Variants in CDK12 observed in about 807,000 individuals in gnomAD.
CDK12 encodes cyclin dependent kinase 12.
In CDK12, 17 loss-of-function variants were observed where a neutral mutation model predicts 133.8. That is an observed-to-expected ratio of 0.13 (90% CI 0.09 to 0.19). The LOEUF (loss-of-function observed/expected upper bound fraction) is 0.19, where lower values mean the gene tolerates loss of function less well. CDK12 is among the 10% of genes least tolerant of loss of function. The pLI, the probability that CDK12 is intolerant of heterozygous loss-of-function variation, is 1.00. For synonymous variants in CDK12, 694 were observed against 683.6 expected (o/e 1.02, Z -0.24); for missense variants, 1,508 against 1,818.7 (o/e 0.83, Z 3.11).
intron 5 of CDK12, among the ~76,000 whole-genome samples, chr17:39,497,091 G>A (rs2052186290): frequency 1.3e-5 from 2 of 151,804 alleles, no homozygotes; most frequent in South Asian, 2.1e-4. Context: ...CGCCACCACG[G>A]CCGGCTAATT....
intron 1 of CDK12, among the ~76,000 whole-genome samples, chr17:39,539,609 G>C (rs184012320): frequency 6.6e-6 from 1 of 152,170 alleles, no homozygotes. Context: ...GAAGAAGACT[G>C]GGGGAGGGTC....
intron 5 of CDK12, among the ~76,000 whole-genome samples, chr17:39,498,169 AT>A (rs1234917920): frequency 6.7e-6 from 1 of 149,774 alleles, no homozygotes; most frequent in African/African-American, 2.5e-5. Context: ...GTTTTTAAAA[AT>A]TTTGGTAGAA....
rs2145206588 is a variant in CDK12 at position 39,471,564 on chromosome 17, G to A, written c.1732G>A (p.Ala578Thr). 6.2e-7 allele frequency: 1 copy of A among 1,613,694 alleles called. No homozygotes were observed. The highest frequency in any genetic ancestry group is 2.2e-5 in the East Asian group (1 of 44,846). The change falls in exon 2 of 14, where the codon GCT becomes ACT. Residue 578 changes from alanine to threonine, a missense_variant. Physicochemically the swap from Ala to Thr is moderately conservative, Grantham distance 58 (BLOSUM62 0). Transcript: ENST00000447079. ...TCAGCCAGCATTTAGTCAGGTTCCT[G>A]CTTCCAGTACTTCAACTTTGCCCCC... Reference protein sequence around the residue: ...PSQPAFSQVPASSTSTLPPST... With the variant: ...PSQPAFSQVPTSSTSTLPPST...
chr17:39,490,346 G>A (rs956865891), intron 2 of CDK12, among the ~76,000 whole-genome samples: 3 of 150,864 alleles, frequency 2.0e-5, no homozygotes, highest in Non-Finnish European at 4.4e-5. Context: ...TAGCCTGGGC[G>A]ACAGAGTGAT....
intron 12 of CDK12, 133 bp downstream of exon 12, chr17:39,525,018 T>C: frequency 4.5e-6 from 3 of 670,160 alleles, no homozygotes; most frequent in Non-Finnish European, 7.5e-6. Context: ...AAGAGGTTAA[T>C]GTCCTCATTA....
At position 39,526,122 on chromosome 17, in the gene CDK12, T is replaced by A. The variant is rs56362165; in HGVS notation, c.3566T>A (p.Leu1189Gln). The change falls in exon 13 of 14, where the codon CTG becomes CAG. Residue 1189 changes from leucine to glutamine, a missense_variant. This residue lies in a region of CDK12 where 399 missense variants were observed against 469.6 expected (regional missense o/e 0.85). Coordinates refer to ENST00000447079, the MANE Select transcript of CDK12 (RefSeq NM_016507.4). Reference sequence around the variant, plus strand: ...GAAGCACCCTCTGCCCCAGTGATCCTGCCTTCAGCAGAACAGACGACCCTT... The same window carrying A: ...GAAGCACCCTCTGCCCCAGTGATCCAGCCTTCAGCAGAACAGACGACCCTT... ...LKEAPSAPVI[L>Q]PSAEQTTLEA... 2,245 of 1,614,206 alleles carry A rather than the reference T, an allele frequency of 1.4e-3. 24 individuals carry two copies. The African/African-American group carries it at 0.026, about 19-fold the overall frequency.
In CDK12 at chr17:39,486,110, G is replaced by T. The variant is rs141539081; in HGVS notation, c.1932-4447G>T. Among the ~76,000 whole-genome samples, 31 of 151,466 alleles carry T rather than the reference G, an allele frequency of 2.0e-4. No individual in the cohort carries two copies. In the East Asian group the frequency reaches 5.7e-3, roughly 28 times the overall value. ...TGGGATTTTGGGAGTGCACCACCATGCCCAGCTAATTTTTGTACTTTTAGT... is the reference window on the plus strand; with the variant it reads ...TGGGATTTTGGGAGTGCACCACCATTCCCAGCTAATTTTTGTACTTTTAGT... On this transcript the variant is annotated intron_variant, in intron 2 of 13. Transcript: ENST00000447079.
intron 1 of CDK12, among the ~76,000 whole-genome samples, chr17:39,468,795 A>G (rs907801393): frequency 1.4e-5 from 2 of 147,736 alleles, no homozygotes; most frequent in African/African-American, 5.0e-5. Context: ...TTTTATTTTA[A>G]TTAATTAATT....
chr17:39,535,729 C>G (rs1343779348), downstream of CDK12, among the ~76,000 whole-genome samples: 1 of 152,170 alleles, frequency 6.6e-6, no homozygotes, highest in Non-Finnish European at 1.5e-5. Flanking sequence ...GCATCCTTAA[C>G]TGTATGGTTA....
chr17:39,524,680 C>G lies in CDK12; in HGVS notation c.3102C>G (p.Pro1034=). ...ELSKMAPPDL[P]HWQDCHELWS... is the part of the protein sequence containing the mutation. ...TTGCTTTGTCTTTTTCCAGCCTCCC[C>G]CACTGGCAGGATTGCCATGAGTTGT... Residue 1034 remains proline, a synonymous_variant, in exon 12 of 14, where the codon CCC becomes CCG. Transcript: ENST00000447079. 5.0e-6 allele frequency: 8 copies of G among 1,614,076 alleles called. No homozygotes were observed. The highest frequency in any genetic ancestry group is 6.8e-6 in the Non-Finnish European group (8 of 1,179,940).
At position 39,465,782 on chromosome 17, in the gene CDK12, C is replaced by G. The variant is rs139754899; in HGVS notation, c.1046+2665C>G. On this transcript the variant is annotated intron_variant, in intron 1 of 13. Transcript: ENST00000447079. The stretch of plus-strand genomic sequence containing the variant: ...CTGGGATTACAGGCGTGAGCCAATG[C>G]GCACAGCCATGCTGCTTAGTGTTTT... Among the ~76,000 whole-genome samples the G allele has an allele frequency of 2.5e-3, 387 of 152,180 alleles. 1 individual carries two copies. The highest frequency in any genetic ancestry group is 5.6e-3 in the Admixed American group (85 of 15,278).
chr17:39,540,844 C>T (rs1237133137), intron 1 of CDK12, among the ~76,000 whole-genome samples: 36 of 152,330 alleles, frequency 2.4e-4, no homozygotes, highest in Non-Finnish European at 1.5e-5. Context: ...GGGCCTCAGC[C>T]AAGTCCTCTC....
At chr17:39,552,712 C>T (rs1326453892) in intron 2 of CDK12, among the ~76,000 whole-genome samples, 1 of 152,064 alleles carries the variant, frequency 6.6e-6, no homozygotes, top group Non-Finnish European at 1.5e-5. Context: ...GATCTGCCTC[C>T]CACTCCTAAG....
chr17:39,554,233 GT>G (rs1352689000), intron 2 of CDK12, among the ~76,000 whole-genome samples: 1 of 152,188 alleles, frequency 6.6e-6, no homozygotes, highest in East Asian at 1.9e-4. Context: ...AACAAGCTGT[GT>G]TATAACACCA....
chr17:39,545,560 G>A (rs1222386824), upstream of CDK12, among the ~76,000 whole-genome samples: 2 of 147,674 alleles, frequency 1.4e-5, no homozygotes, highest in East Asian at 2.0e-4. Context: ...GCGAAATGGC[G>A]TGATCTCAGC....
chr17:39,560,448 T>C (rs1482743488), intron 3 of CDK12, among the ~76,000 whole-genome samples: 1 of 152,248 alleles, frequency 6.6e-6, no homozygotes, highest in Non-Finnish European at 1.5e-5. Flanking sequence ...GCACTACTAT[T>C]ATCTCCATTT....
intron 11 of CDK12, 78 bp from the exon 12 acceptor site, chr17:39,524,596 C>T: frequency 4.0e-6 from 5 of 1,254,196 alleles, no homozygotes; most frequent in Non-Finnish European, 5.7e-6. Context: ...TTTGCCTTCC[C>T]ATTTTAATCC....
chr17:39,498,983 C>T (rs1412432654), intron 5 of CDK12, among the ~76,000 whole-genome samples: 1 of 4 alleles, frequency 0.25, no homozygotes, highest in African/African-American at 0.5. Context: ...TTCTTTCTTT[C>T]TTTCTTTCTT....
rs372059773 is a variant in CDK12 at position 39,476,520 on chromosome 17, TCTC to T, written c.1931+4760_1931+4762del. Among the ~76,000 whole-genome samples, 129 of 151,480 alleles carry T rather than the reference TCTC, an allele frequency of 8.5e-4. 1 individual carries two copies. In the East Asian group the frequency reaches 0.022, roughly 26 times the overall value. On this transcript the variant is annotated intron_variant, in intron 2 of 13. Coordinates refer to ENST00000447079, the MANE Select transcript of CDK12 (RefSeq NM_016507.4). Reference sequence around the variant, plus strand: ...CATCCGCCTCCCGGGTTCAAGCAATTCTCCTGCCTCAGCCTCCCAAGTAGCTGG... The same window carrying T: ...CATCCGCCTCCCGGGTTCAAGCAATTCTGCCTCAGCCTCCCAAGTAGCTGG...
Sources: gnomAD v4.1 joint callset for allele counts (sites outside exome capture counted in the v4.1 genomes callset) on GRCh38, gnomAD v4.1.1 for gene constraint, gnomAD v4.1.1 regional missense constraint, MANE v1.5 for transcripts, NCBI Gene and HGNC (gene_info 2026-07-23, HGNC 2026-07-21) for gene names.